Variants in XIRP2 observed in about 807,000 individuals in gnomAD.
The protein encoded by XIRP2 is xin actin binding repeat containing 2.
Under a neutral mutation model 277.0 loss-of-function variants are expected in XIRP2, and 236 were observed. The ratio of observed to expected loss-of-function variants is 0.85; its 90% CI spans 0.77 to 0.95. The LOEUF is 0.95. XIRP2 is among the 40% of genes least tolerant of loss of function. The probability of loss-of-function intolerance (pLI) is 0.00; values close to 1 mark genes in which losing one functional copy is unlikely to be tolerated. For synonymous variants in XIRP2, 1,490 were observed against 1,416.5 expected (o/e 1.05, Z -1.17); for missense variants, 4,640 against 4,157.5 (o/e 1.12, Z -3.19).
At chr2:167,112,655 T>C (rs937793036) in intron 2 of XIRP2, among the ~76,000 whole-genome samples, 19 of 150,940 alleles carry the variant, frequency 1.3e-4, no homozygotes, top group Non-Finnish European at 2.1e-4. Context: ...AGAGATTTTT[T>C]ATATATGTAT....
intron 2 of XIRP2, among the ~76,000 whole-genome samples, chr2:167,025,769 G>C (rs1688134160): frequency 6.6e-6 from 1 of 152,118 alleles, no homozygotes; most frequent in South Asian, 2.1e-4. Context: ...GCGGTTTTGA[G>C]TGAGTTTCTT....
chr2:167,162,750 C>CA (rs1363008421), intron 3 of XIRP2, among the ~76,000 whole-genome samples: 2 of 152,172 alleles, frequency 1.3e-5, no homozygotes, highest in African/African-American at 4.8e-5. Context: ...CTTAAGTATA[C>CA]ATTCCCATCT....
At chr2:167,168,722 C>G (rs552167929) in intron 3 of XIRP2, among the ~76,000 whole-genome samples, 2 of 152,330 alleles carry the variant, frequency 1.3e-5, no homozygotes, top group South Asian at 2.1e-4. Context: ...TCACACCATT[C>G]TCCTGCCTCA....
intron 10 of XIRP2, 136 bp from the exon 11 acceptor site, chr2:167,257,721 G>A (rs530933209): frequency 5.2e-6 from 4 of 776,586 alleles, no homozygotes; most frequent in East Asian, 2.7e-5. Context: ...TAACAGAAAT[G>A]TTCAACTAAT....
At chr2:167,201,473 G>C (rs563426949) in intron 3 of XIRP2, among the ~76,000 whole-genome samples, 208 of 152,136 alleles carry the variant, frequency 1.4e-3, no homozygotes, top group Admixed American at 2.9e-3. Context: ...CCATCCCCTG[G>C]AGCACAGTAG....
intron 2 of XIRP2, among the ~76,000 whole-genome samples, chr2:167,026,883 C>G (rs1688177180): frequency 6.6e-6 from 1 of 152,112 alleles, no homozygotes; most frequent in Non-Finnish European, 1.5e-5. Context: ...CGCTGTTATT[C>G]TGACGGGCTT....
chr2:167,248,141 G>T lies in XIRP2; in HGVS notation c.6749G>T (p.Ser2250Ile), dbSNP rs974244164. The change falls in exon 9 of 11, where the codon AGC becomes ATC. Residue 2250 changes from serine to isoleucine, a missense_variant. Coordinates refer to ENST00000409195, the MANE Select transcript of XIRP2 (RefSeq NM_152381.6). ...KKRETDVHLKSQDFLMKTNTS... is the reference protein window; with the variant it reads ...KKRETDVHLKIQDFLMKTNTS... The stretch of plus-strand genomic sequence containing the variant: ...CGGGAGACTGATGTTCACTTGAAAA[G>T]CCAGGACTTTCTAATGAAAACAAAT... 1.9e-6 allele frequency: 3 copies of T among 1,613,530 alleles called. No homozygotes were observed. Among genetic ancestry groups the T allele is most frequent in the Non-Finnish European group, 1.7e-6 (2 of 1,179,830 alleles).
chr2:166,890,912 C>T (rs868476304), intron 1 of XIRP2, among the ~76,000 whole-genome samples: 5 of 152,134 alleles, frequency 3.3e-5, no homozygotes, highest in African/African-American at 9.7e-5. Flanking sequence ...CAGCCTTTAA[C>T]GAGTAAACTT....
chr2:167,174,834 A>G (rs561766459), intron 3 of XIRP2, among the ~76,000 whole-genome samples: 6 of 152,192 alleles, frequency 3.9e-5, no homozygotes, highest in African/African-American at 1.4e-4. Context: ...CCTTAATTTT[A>G]TTATATACCC....
In XIRP2 at chr2:167,243,949, C is replaced by A; in HGVS notation, c.2557C>A (p.Leu853Ile). The change falls in exon 9 of 11, where the codon CTA (leucine) becomes ATA (isoleucine). Residue 853 changes from leucine (L) to isoleucine (I), a missense_variant. Physicochemically the swap from Leu to Ile is conservative, Grantham distance 5. Coordinates refer to ENST00000409195, the MANE Select transcript of XIRP2 (RefSeq NM_152381.6). ...GTTTGAAACCCAGCCATTAGACATT[C>A]TAAAAGAAGTTCCTGATGCAGATTC... is the stretch of plus-strand genomic sequence containing the variant. ...WMFETQPLDI[L>I]KEVPDADSLQ... 1.9e-6 allele frequency: 3 copies of A among 1,613,920 alleles called. No individual in the cohort carries two copies. Among genetic ancestry groups the A allele is most frequent in the Non-Finnish European group, 2.5e-6 (3 of 1,179,900 alleles).
chr2:166,913,366 A>G (rs1224190963), intron 2 of XIRP2, among the ~76,000 whole-genome samples: 1 of 150,542 alleles, frequency 6.6e-6, no homozygotes, highest in African/African-American at 2.4e-5. Flanking sequence ...CTGCGGTGCT[A>G]GCAATGAGTG....
chr2:166,909,173 T>A (rs1279085663), intron 2 of XIRP2, among the ~76,000 whole-genome samples: 3 of 152,196 alleles, frequency 2.0e-5, no homozygotes. Flanking sequence ...GGTAGCTTGA[T>A]GGGGATGGCA....
chr2:167,000,570 G>GA (rs1017095150), intron 2 of XIRP2, among the ~76,000 whole-genome samples: 8 of 150,098 alleles, frequency 5.3e-5, no homozygotes, highest in African/African-American at 1.2e-4. Context: ...ATTCTTCCAA[G>GA]AAAAAAAACA....
chr2:167,242,939 A>T lies in XIRP2; in HGVS notation c.1547A>T (p.Asp516Val), dbSNP rs758097090. 1.2e-6 allele frequency: 2 copies of T among 1,613,632 alleles called. No individual in the cohort carries two copies. Among genetic ancestry groups the T allele is most frequent in the African/African-American group, 2.7e-5 (2 of 74,842 alleles). ...GAGTTAAGAAAAAACTTAGAAAAAG[A>T]TTATATCAGTGAAGTTTCTGAGATT... ...HPELRKNLEK[D>V]YISEVSEIVS... The change falls in exon 9 of 11, where the codon GAT becomes GTT. Residue 516 changes from aspartate (D) to valine (V), a missense_variant. Coordinates refer to ENST00000409195, the MANE Select transcript of XIRP2 (RefSeq NM_152381.6).
chr2:166,921,892 A>T (rs979395242), intron 2 of XIRP2, among the ~76,000 whole-genome samples: 15 of 152,158 alleles, frequency 9.9e-5, no homozygotes, highest in Non-Finnish European at 1.8e-4. Flanking sequence ...GTGCAGGGTG[A>T]GTGATCTTTT....
At chr2:167,155,652 C>T in intron 3 of XIRP2, among the ~76,000 whole-genome samples, 1 of 151,958 alleles carries the variant, frequency 6.6e-6, no homozygotes, top group East Asian at 1.9e-4. Context: ...ACTGAATGCG[C>T]AAAAACTGGA....
Position 167,248,043 on chromosome 2 carries a change from A to T in XIRP2, c.6651A>T (p.Gln2217His). 6.2e-7 allele frequency: 1 copy of T among 1,613,694 alleles called. No homozygotes were observed. The highest frequency in any genetic ancestry group is 1.1e-5 in the South Asian group (1 of 91,062). The change falls in exon 9 of 11, where the codon CAA (glutamine) becomes CAT (histidine). Residue 2217 changes from glutamine to histidine, a missense_variant. Coordinates refer to ENST00000409195, the MANE Select transcript of XIRP2 (RefSeq NM_152381.6). ...QPMWQLLPVE[Q>H]DTSNVTEMKV... The stretch of plus-strand genomic sequence containing the variant: ...TGTGGCAGCTTTTGCCTGTAGAGCA[A>T]GACACATCCAATGTAACAGAAATGA...
chr2:167,118,270 A>G (rs1334472695), intron 2 of XIRP2, among the ~76,000 whole-genome samples: 1 of 152,066 alleles, frequency 6.6e-6, no homozygotes, highest in Non-Finnish European at 1.5e-5. Flanking sequence ...GCCTGAGGTC[A>G]GGAGTTTGAG....
intron 2 of XIRP2, among the ~76,000 whole-genome samples, chr2:167,072,742 T>G (rs1689466815): frequency 6.6e-6 from 1 of 152,188 alleles, no homozygotes; most frequent in African/African-American, 2.4e-5. Context: ...CTATGGGAAC[T>G]TTATTGTTTA....
Sources: gnomAD v4.1 joint callset for allele counts (sites outside exome capture counted in the v4.1 genomes callset) on GRCh38, gnomAD v4.1.1 for gene constraint, MANE v1.5 for transcripts, NCBI Gene and HGNC (gene_info 2026-07-23, HGNC 2026-07-21) for gene names.